LARGE1: variants seen among roughly 807,000 people sequenced by gnomAD.
LARGE1 encodes xylosyl- and glucuronyltransferase LARGE1.
LARGE1 carries 43 observed loss-of-function variants against 87.6 expected under a neutral mutation model. That is an observed-to-expected ratio of 0.49 (90% confidence interval 0.38 to 0.63). The LOEUF is 0.63. Among genes scored for constraint, LARGE1 ranks in the 30% least tolerant of loss-of-function variants. LARGE1 has a pLI of 0.00. For missense variants in LARGE1, 802 were observed against 1,000.2 expected (o/e 0.80, Z 2.67); for synonymous variants, 434 against 394.6 (o/e 1.10, Z -1.18).
intron 10 of LARGE1, among the ~76,000 whole-genome samples, chr22:33,324,153 C>T (rs575266294): frequency 1.4e-5 from 2 of 139,380 alleles, no homozygotes; most frequent in South Asian, 2.2e-4. Context: ...AGCTTGAACC[C>T]AGGAGGTGGA....
intron 6 of LARGE1, among the ~76,000 whole-genome samples, chr22:33,460,701 C>A (rs1182196586): frequency 6.6e-6 from 1 of 152,064 alleles, no homozygotes; most frequent in Admixed American, 6.6e-5. Flanking sequence ...GGGGCAAACA[C>A]AGGAAAATGA....
At chr22:33,918,367 T>A (rs909351509) in intron 1 of LARGE1, among the ~76,000 whole-genome samples, 3 of 152,182 alleles carry the variant, frequency 2.0e-5, no homozygotes, top group Non-Finnish European at 2.9e-5. Flanking sequence ...TTTGATTCCT[T>A]TCCTCGCCAC....
intron 2 of LARGE1, among the ~76,000 whole-genome samples, chr22:33,712,294 C>T (rs1213011320): frequency 1.3e-5 from 2 of 152,130 alleles, no homozygotes; most frequent in East Asian, 1.9e-4. Flanking sequence ...AAATGAATGG[C>T]CTTGAGCTAG....
intron 1 of LARGE1, among the ~76,000 whole-genome samples, chr22:33,832,385 G>C (rs1354813132): frequency 6.6e-6 from 1 of 152,144 alleles, no homozygotes; most frequent in Non-Finnish European, 1.5e-5. Flanking sequence ...GAACTGAGAG[G>C]GAATGGAGGT....
chr22:33,346,011 A>C (rs768968874), intron 9 of LARGE1, among the ~76,000 whole-genome samples: 12 of 152,148 alleles, frequency 7.9e-5, no homozygotes, highest in South Asian at 2.1e-4. Context: ...CAACACTCCA[A>C]CTGACCTTCT....
intron 1 of LARGE1, among the ~76,000 whole-genome samples, chr22:33,776,600 C>A (rs1431653921): frequency 6.6e-6 from 1 of 152,164 alleles, no homozygotes; most frequent in Non-Finnish European, 1.5e-5. Flanking sequence ...CTTTGTTCTT[C>A]CGATTTTCAT....
chr22:33,868,654 C>T (rs2064180740), intron 1 of LARGE1, among the ~76,000 whole-genome samples: 1 of 152,188 alleles, frequency 6.6e-6, no homozygotes, highest in South Asian at 2.1e-4. Context: ...TTCCTCCCAT[C>T]AAAAACATTT....
intron 12 of LARGE1, 100 bp downstream of exon 12, chr22:33,304,129 C>A (rs1934540866): frequency 1.5e-6 from 2 of 1,361,482 alleles, no homozygotes; most frequent in South Asian, 1.2e-5. Context: ...GGAAAAGAAA[C>A]CTGTTGGACT....
intron 6 of LARGE1, among the ~76,000 whole-genome samples, chr22:33,535,347 C>T (rs1019578465): frequency 6.6e-6 from 1 of 152,080 alleles, no homozygotes; most frequent in Non-Finnish European, 1.5e-5. Context: ...AGTTTGAGAT[C>T]AGCCCGGCCA....
chr22:33,315,659 G>A (rs538222312), intron 11 of LARGE1, among the ~76,000 whole-genome samples: 20 of 151,544 alleles, frequency 1.3e-4, no homozygotes, highest in East Asian at 5.8e-4. Context: ...AGATGGAGCC[G>A]TGCTCTGTCA....
chr22:33,482,783 C>CT (rs2069386145), intron 6 of LARGE1, among the ~76,000 whole-genome samples: 1 of 152,120 alleles, frequency 6.6e-6, no homozygotes, highest in Admixed American at 6.5e-5. Context: ...TTATTATTGA[C>CT]TGTAGGCACC....
Position 33,502,192 on chromosome 22 carries a change from T to C in LARGE1, c.787+62656A>G, listed in dbSNP as rs547903869. On this transcript the variant is annotated intron_variant, in intron 6 of 14. Transcript: ENST00000397394. ...GCCTGGATGGCAGAGTGAGACCCCA[T>C]CTTAAAAAAAAAAAAAAAACTGTAG... 4.5e-4 allele frequency among the ~76,000 whole-genome samples: 33 copies of C among 73,262 alleles called. No homozygotes were observed. The East Asian group carries it at 9.9e-3, about 22-fold the overall frequency. The allele number at this position is 73,262 out of a possible 152,430, so 48.1% of individuals were successfully genotyped here.
In LARGE1 at chr22:33,873,008, A is replaced by AT. The variant is rs377625493; in HGVS notation, c.-83+46986_-83+46987insA. ...AGAGCAAAATTCTGTCTCAAAAAAA[A>AT]AAATAAATAAAGCCATGGAAGTGAA... On this transcript the variant is annotated intron_variant, in intron 1 of 14. Transcript: ENST00000397394. The AT allele has an allele frequency of 1.4e-4, 21 of 152,276 alleles. 1 individual carries two copies. The highest frequency in any genetic ancestry group is 3.1e-4 in the African/African-American group (13 of 41,514). The allele number at this position is 152,276 out of a possible 1,614,324, so 9.4% of individuals were successfully genotyped here.
chr22:33,839,026 A>T (rs1173643084), intron 1 of LARGE1, among the ~76,000 whole-genome samples: 1 of 152,190 alleles, frequency 6.6e-6, no homozygotes, highest in Non-Finnish European at 1.5e-5. Flanking sequence ...ACCCACCAAA[A>T]AGTCAAGAAA....
chr22:33,610,310 T>C (rs1036652736), intron 4 of LARGE1, among the ~76,000 whole-genome samples: 4 of 152,214 alleles, frequency 2.6e-5, no homozygotes, highest in Non-Finnish European at 5.9e-5. Flanking sequence ...AAAATGCAGA[T>C]AGTGATAAGG....
rs59657748 is a variant in LARGE1 at position 33,861,860 on chromosome 22, CT to C, written c.-83+58134del. Among the ~76,000 whole-genome samples the C allele has an allele frequency of 6.7e-3, 786 of 117,182 alleles. 5 individuals are homozygous for C. Among genetic ancestry groups the C allele is most frequent in the African/African-American group, 0.022 (648 of 29,158 alleles). The allele number at this position is 117,182 out of a possible 152,430, so 76.9% of individuals were successfully genotyped here. ...AAGTGGATTTTGGGACCCAGACATTCTTTTTTTTTTTTTTTTTTTTTGAGAC... is the reference window on the plus strand; with the variant it reads ...AAGTGGATTTTGGGACCCAGACATTCTTTTTTTTTTTTTTTTTTTTGAGAC... On this transcript the variant is annotated intron_variant, in intron 1 of 14. Transcript: ENST00000397394.
At chr22:33,913,173 C>T (rs993613134) in intron 1 of LARGE1, among the ~76,000 whole-genome samples, 4 of 152,160 alleles carry the variant, frequency 2.6e-5, no homozygotes, top group African/African-American at 9.7e-5. Flanking sequence ...ACCGCCTCTC[C>T]TGTATACTCA....
At chr22:33,330,121 G>A (rs371484028) in intron 10 of LARGE1, among the ~76,000 whole-genome samples, 1 of 152,072 alleles carries the variant, frequency 6.6e-6, no homozygotes, top group African/African-American at 2.4e-5. Context: ...TTAGCATCTG[G>A]AGCTTTCCAA....
intron 2 of LARGE1, among the ~76,000 whole-genome samples, chr22:33,739,949 G>A (rs1370917850): frequency 6.6e-6 from 1 of 152,144 alleles, no homozygotes; most frequent in African/African-American, 2.4e-5. Flanking sequence ...TTTCTGCAGG[G>A]CTCAAAAGCC....
Sources: gnomAD v4.1 joint callset for allele counts (sites outside exome capture counted in the v4.1 genomes callset) on GRCh38, gnomAD v4.1.1 for gene constraint, MANE v1.5 for transcripts, NCBI Gene and HGNC (gene_info 2026-07-23, HGNC 2026-07-21) for gene names.